Variants in FXYD5 observed in about 807,000 individuals in gnomAD.
FXYD5 encodes FXYD domain containing ion transport regulator 5, also known as FXYD domain-containing ion transport regulator 5.
A neutral mutation model predicts 25.7 loss-of-function variants in FXYD5; 21 were observed. The ratio of observed to expected loss-of-function variants is 0.82; its 90% CI spans 0.58 to 1.18. FXYD5 has a LOEUF of 1.18. FXYD5 is among the 50% of genes most tolerant of loss of function. FXYD5 has a pLI of 0.00. For synonymous variants in FXYD5, 101 were observed against 90.7 expected, an observed-to-expected ratio of 1.11 and a Z score of -0.64; for missense variants, 229 against 227.7, an observed-to-expected ratio of 1.01 and a Z score of -0.04.
At position 35,169,694 on chromosome 19, in the gene FXYD5, C is replaced by T. The variant is rs929436805; in HGVS notation, c.*79C>T. Reference sequence around the variant, plus strand: ...CTGCCAGCTCACCGTGCCCAGCCTCCTGCATCCCCTCGAAGAGCCTGGCCA... The same window carrying T: ...CTGCCAGCTCACCGTGCCCAGCCTCTTGCATCCCCTCGAAGAGCCTGGCCA... On this transcript the variant is annotated 3_prime_UTR_variant, in exon 9 of 9. Coordinates refer to ENST00000392219, the MANE Select transcript of FXYD5 (RefSeq NM_014164.6). 7.8e-6 allele frequency: 7 copies of T among 898,030 alleles called. No homozygotes were observed. The highest frequency in any genetic ancestry group is 3.6e-5 in the Admixed American group (2 of 55,448). 55.6% of individuals were successfully genotyped at this position (898,030 alleles called of 1,614,324 possible).
Position 35,169,627 on chromosome 19 carries a change from A to T in FXYD5, c.*12A>T. ...ATCGTTGCAGGTGAGTCCATCAGAA[A>T]CAGGAGCTGACAACCTGCTGGGCAC... On this transcript the variant is annotated 3_prime_UTR_variant, in exon 9 of 9. Coordinates refer to ENST00000392219, the MANE Select transcript of FXYD5 (RefSeq NM_014164.6). The T allele has an allele frequency of 6.3e-7, 1 of 1,592,686 alleles. No homozygotes were observed. Among genetic ancestry groups the T allele is most frequent in the East Asian group, 2.2e-5 (1 of 44,786 alleles).
chr19:35,155,196 C>T (rs1196554491), intron 1 of FXYD5: 2 of 352,034 alleles, frequency 5.7e-6, no homozygotes, highest in Non-Finnish European at 1.1e-5. Context: ...TCCTCTGCCC[C>T]AGTCCCCTCC....
chr19:35,158,295 C>T (rs757674569), intron 3 of FXYD5, 49 bp from the exon 4 acceptor site: 1 of 1,294,714 alleles, frequency 7.7e-7, no homozygotes, highest in Non-Finnish European at 1.1e-6. Flanking sequence ...TTGCCCACTT[C>T]TTTTTCTCTC....
chr19:35,158,193 G>A (rs772136386), intron 3 of FXYD5, 151 bp from the exon 4 acceptor site: 14 of 646,038 alleles, frequency 2.2e-5, no homozygotes, highest in South Asian at 2.1e-4. Context: ...TACACATTTC[G>A]GCAGTTAGCA....
intron 4 of FXYD5, chr19:35,159,506 A>G (rs1452457701): frequency 3.0e-5 from 47 of 1,549,950 alleles, no homozygotes; most frequent in Non-Finnish European, 3.9e-5. Flanking sequence ...CCTGCCTGGT[A>G]TTCCACAAGG....
intron 8 of FXYD5, 178 bp downstream of exon 8, chr19:35,166,503 C>T: frequency 1.9e-6 from 1 of 520,958 alleles, no homozygotes; most frequent in East Asian, 3.2e-5. Context: ...TTATTGAGCT[C>T]TCAATACCAC....
chr19:35,167,459 C>T (rs1181308878), intron 8 of FXYD5, among the ~76,000 whole-genome samples: 1 of 152,164 alleles, frequency 6.6e-6, no homozygotes. Flanking sequence ...CTCCTCCCAC[C>T]CCCCTGTCTC....
At position 35,159,221 on chromosome 19, in the gene FXYD5, G is replaced by A. The variant is rs887161929; in HGVS notation, c.199+821G>A. On this transcript the variant is annotated intron_variant, in intron 4 of 8. Transcript: ENST00000392219. Reference sequence around the variant, plus strand: ...TCTGCCTGGAAAGAATAAAATGATTGTAGGCAAAACTAAACCCCTTTGTCA... The same window carrying A: ...TCTGCCTGGAAAGAATAAAATGATTATAGGCAAAACTAAACCCCTTTGTCA... 3.3e-5 allele frequency among the ~76,000 whole-genome samples: 5 copies of A among 151,950 alleles called. No homozygotes were observed. The East Asian group carries it at 9.6e-4, about 29-fold the overall frequency.
At chr19:35,166,786 G>A (rs2065454877) in intron 8 of FXYD5, 1 of 175,360 alleles carries the variant, frequency 5.7e-6, no homozygotes, top group Admixed American at 6.3e-5. Context: ...ATGAGGCTGG[G>A]TTTCATTCAA....
rs563963767 is a variant in FXYD5, at chr19:35,169,125, G to T, written c.488-441G>T. Among the ~76,000 whole-genome samples, 3 of 151,420 alleles carry T rather than the reference G, an allele frequency of 2.0e-5. No homozygotes were observed. The East Asian group carries it at 5.8e-4, about 29-fold the overall frequency. ...CCAGTAGCCATCCCTGTGAGGATGA[G>T]CCCAGCTCCTGGGCCTCCATGCCTC... On this transcript the variant is annotated intron_variant, in intron 8 of 8. Coordinates refer to ENST00000392219, the MANE Select transcript of FXYD5 (RefSeq NM_014164.6).
chr19:35,165,495 TC>T (rs1440399196), intron 6 of FXYD5, among the ~76,000 whole-genome samples: 1 of 152,070 alleles, frequency 6.6e-6, no homozygotes, highest in Non-Finnish European at 1.5e-5. Flanking sequence ...TGACCAGAGG[TC>T]ACTGTCATTG....
At chr19:35,166,221 G>C (rs2065449309) in intron 7 of FXYD5, 30 bp from the exon 8 acceptor site, 2 of 1,610,346 alleles carry the variant, frequency 1.2e-6, no homozygotes, top group Non-Finnish European at 1.7e-6. Flanking sequence ...AGGTCCGTCT[G>C]ACTCTACCCC....
At chr19:35,165,948 G>A (rs1416548257) in intron 6 of FXYD5, among the ~76,000 whole-genome samples, 194 bp from the exon 7 acceptor site, 1 of 152,212 alleles carries the variant, frequency 6.6e-6, no homozygotes, top group Non-Finnish European at 1.5e-5. Context: ...AGTAGGGCTG[G>A]AGTGCAGGGA....
At chr19:35,157,633 C>T (rs2065369497) in intron 3 of FXYD5, 132 bp downstream of exon 3, 1 of 583,558 alleles carries the variant, frequency 1.7e-6, no homozygotes, top group African/African-American at 1.9e-5. Context: ...GACCTTCAGG[C>T]ATGGCTTGAT....
intron 2 of FXYD5, chr19:35,156,804 C>G (rs752484779): frequency 1.3e-5 from 2 of 152,746 alleles, no homozygotes; most frequent in African/African-American, 2.4e-5. Context: ...AGGCGGGCCC[C>G]GACCTGACTC....
At chr19:35,167,791 T>C (rs562730569) in intron 8 of FXYD5, among the ~76,000 whole-genome samples, 1 of 152,298 alleles carries the variant, frequency 6.6e-6, no homozygotes, top group South Asian at 2.1e-4. Flanking sequence ...AGTCAAGCAC[T>C]GTTGCCTCGG....
At chr19:35,165,834 G>A (rs1460070580) in intron 6 of FXYD5, among the ~76,000 whole-genome samples, 1 of 152,140 alleles carries the variant, frequency 6.6e-6, no homozygotes, top group East Asian at 1.9e-4. Context: ...GTGAAGGAGG[G>A]AGCCATGCGG....
chr19:35,154,858 G>C (rs1404997857), intron 1 of FXYD5, 49 bp downstream of exon 1: 1 of 153,784 alleles, frequency 6.5e-6, no homozygotes, highest in Non-Finnish European at 1.4e-5. Flanking sequence ...TCTGCCCACG[G>C]GCCGGGCTCA....
intron 4 of FXYD5, among the ~76,000 whole-genome samples, chr19:35,160,201 C>CCTGT (rs1300270539): frequency 1.3e-5 from 2 of 152,128 alleles, no homozygotes; most frequent in Non-Finnish European, 2.9e-5. Flanking sequence ...AGAGTGAGAC[C>CCTGT]CTGTCTCAAA....
Sources: allele counts gnomAD v4.1 joint callset (sites outside exome capture counted in the v4.1 genomes callset), GRCh38; gene constraint gnomAD v4.1.1; transcripts MANE v1.5; gene names NCBI Gene and HGNC (gene_info 2026-07-23, HGNC 2026-07-21).